The following LRP1B variants were observed in gnomAD, a reference collection of about 807,000 sequenced individuals.
The protein encoded by LRP1B is LDL receptor related protein 1B.
LRP1B carries 217 observed loss-of-function variants against 556.6 expected under a neutral mutation model. That is an observed-to-expected ratio of 0.39 (90% CI 0.35 to 0.44). The LOEUF (loss-of-function observed/expected upper bound fraction) is 0.44. LRP1B is among the 20% of genes least tolerant of loss of function. The probability of loss-of-function intolerance (pLI) is 1.00; values close to 1 mark genes in which losing one functional copy is unlikely to be tolerated. For synonymous variants in LRP1B, 2,047 were observed against 1,865.8 expected, an observed-to-expected ratio of 1.10 and a Z score of -2.50; for missense variants, 5,053 against 5,620.8, an observed-to-expected ratio of 0.90 and a Z score of 3.23.
chr2:141,414,414 C>T (rs4954903), intron 3 of LRP1B, among the ~76,000 whole-genome samples: 39,854 of 140,722 alleles, frequency 0.28, 5,349 homozygotes, highest in Non-Finnish European at 0.32. Flanking sequence ...CTAAAGCTTC[C>T]CCCCTCATAC....
intron 31 of LRP1B, among the ~76,000 whole-genome samples, chr2:140,816,341 CT>C (rs1691124178): frequency 6.6e-6 from 1 of 151,944 alleles, no homozygotes; most frequent in African/African-American, 2.4e-5. Flanking sequence ...TGGTCTCGAT[CT>C]CTTGACCTCA....
At chr2:142,069,708 C>T (rs557104901) in intron 1 of LRP1B, among the ~76,000 whole-genome samples, 53 of 151,774 alleles carry the variant, frequency 3.5e-4, no homozygotes, top group African/African-American at 1.1e-3. Context: ...GTTTTGCATG[C>T]GAACTTTTTT....
At chr2:141,358,012 A>T (rs1441947831) in intron 3 of LRP1B, among the ~76,000 whole-genome samples, 3 of 152,188 alleles carry the variant, frequency 2.0e-5, no homozygotes, top group African/African-American at 7.2e-5. Flanking sequence ...ACACAATTAT[A>T]TAGAGAATAC....
chr2:140,693,536 A>G (rs1686319308), intron 41 of LRP1B, among the ~76,000 whole-genome samples: 2 of 152,174 alleles, frequency 1.3e-5, no homozygotes, highest in African/African-American at 2.4e-5. Flanking sequence ...ATAATTTTCC[A>G]TGGCTATGGA....
At chr2:141,430,093 G>A (rs537444611) in intron 3 of LRP1B, among the ~76,000 whole-genome samples, 1 of 152,182 alleles carries the variant, frequency 6.6e-6, no homozygotes, top group East Asian at 1.9e-4. Flanking sequence ...AGCCTAAAAA[G>A]TAAATATCCA....
intron 1 of LRP1B, among the ~76,000 whole-genome samples, chr2:142,041,569 T>A (rs1000395653): frequency 2.4e-4 from 37 of 151,512 alleles, no homozygotes; most frequent in African/African-American, 8.2e-4. Flanking sequence ...GCTTGTTTTA[T>A]GTTTTCATTT....
At chr2:141,965,748 A>T (rs1461486405) in intron 1 of LRP1B, among the ~76,000 whole-genome samples, 45 of 113,496 alleles carry the variant, frequency 4.0e-4, no homozygotes, top group East Asian at 2.0e-3. Context: ...AAGTAGAATT[A>T]AAAAAAATAA....
chr2:142,112,770 T>C (rs1707048650), intron 1 of LRP1B, among the ~76,000 whole-genome samples: 1 of 152,120 alleles, frequency 6.6e-6, no homozygotes, highest in Non-Finnish European at 1.5e-5. Context: ...TACAAGACTC[T>C]ATAGTAGGTA....
intron 31 of LRP1B, among the ~76,000 whole-genome samples, chr2:140,832,116 C>G (rs1017812996): frequency 3.3e-5 from 5 of 152,006 alleles, no homozygotes; most frequent in African/African-American, 9.7e-5. Context: ...ATGGTTTGAA[C>G]TGCATGGGTT....
chr2:140,814,768 G>C (rs1411517673), intron 31 of LRP1B, among the ~76,000 whole-genome samples: 1 of 152,148 alleles, frequency 6.6e-6, no homozygotes, highest in African/African-American at 2.4e-5. Context: ...TGGCAAGTGA[G>C]TGAATCAAGC....
At chr2:140,471,809 A>G (rs537585682) in intron 60 of LRP1B, among the ~76,000 whole-genome samples, 3 of 152,254 alleles carry the variant, frequency 2.0e-5, no homozygotes, top group Admixed American at 1.3e-4. Flanking sequence ...GCTTGTGACA[A>G]TCTGGCCCCA....
chr2:141,212,379 C>T (rs566844468), intron 6 of LRP1B, among the ~76,000 whole-genome samples: 10 of 145,772 alleles, frequency 6.9e-5, no homozygotes, highest in East Asian at 4.2e-4. Context: ...CCTGGGTTCA[C>T]GCCATTCTCC....
At chr2:141,450,946 T>C (rs1051593104) in intron 3 of LRP1B, among the ~76,000 whole-genome samples, 5 of 152,204 alleles carry the variant, frequency 3.3e-5, no homozygotes, top group African/African-American at 4.8e-5. Flanking sequence ...ATGCTCCTAA[T>C]AATAGACATC....
intron 2 of LRP1B, among the ~76,000 whole-genome samples, chr2:141,782,650 G>T (rs1280000092): frequency 6.6e-6 from 1 of 150,594 alleles, no homozygotes; most frequent in Non-Finnish European, 1.5e-5. Context: ...TAGGGTTTGT[G>T]TGAAACTCAC....
chr2:140,352,888 T>G (rs2105121369), intron 76 of LRP1B, 65 bp downstream of exon 76: 1 of 1,481,410 alleles, frequency 6.8e-7, no homozygotes. Flanking sequence ...ATATAAAACA[T>G]TTTTCTCCAT....
intron 31 of LRP1B, among the ~76,000 whole-genome samples, chr2:140,831,925 C>A (rs1443110470): frequency 6.6e-6 from 1 of 152,102 alleles, no homozygotes; most frequent in Non-Finnish European, 1.5e-5. Context: ...AAATGTTTAA[C>A]ATCACTAACC....
chr2:141,212,504 T>C (rs1387530558), intron 6 of LRP1B, among the ~76,000 whole-genome samples: 4 of 151,366 alleles, frequency 2.6e-5, no homozygotes, highest in African/African-American at 9.7e-5. Context: ...CAGGGTGGTC[T>C]TGATCTCCTG....
chr2:141,893,230 C>CTCTT (rs1699344283), intron 1 of LRP1B, among the ~76,000 whole-genome samples: 1 of 152,128 alleles, frequency 6.6e-6, no homozygotes, highest in African/African-American at 2.4e-5. Context: ...GAAAGAGTTT[C>CTCTT]ACTCTTGTGG....
chr2:142,014,645 T>C (rs1170412411), intron 1 of LRP1B, among the ~76,000 whole-genome samples: 1 of 151,966 alleles, frequency 6.6e-6, no homozygotes, highest in African/African-American at 2.4e-5. Flanking sequence ...ACAAAAACCT[T>C]TTAAAGAAGT....
Sources: allele counts gnomAD v4.1 joint callset (sites outside exome capture counted in the v4.1 genomes callset), GRCh38; gene constraint gnomAD v4.1.1; transcripts MANE v1.5; gene names NCBI Gene and HGNC (gene_info 2026-07-23, HGNC 2026-07-21).